Variants in DOC2B observed in about 807,000 individuals in gnomAD.
DOC2B encodes the protein double C2 domain beta, also known as double C2-like domain-containing protein beta.
In DOC2B, 21 loss-of-function variants were observed where a neutral mutation model predicts 28.9. That is an observed-to-expected ratio of 0.73 (90% CI 0.52 to 1.05). The LOEUF is 1.05. DOC2B is among the 50% of genes least tolerant of loss of function. DOC2B has a pLI of 0.00. For synonymous variants in DOC2B, 194 were observed against 178.1 expected, an observed-to-expected ratio of 1.09 and a Z score of -0.71; for missense variants, 384 against 421.1, an observed-to-expected ratio of 0.91 and a Z score of 0.77.
intron 7 of DOC2B, among the ~76,000 whole-genome samples, 198 bp from the exon 8 acceptor site, chr17:148,467 C>T (rs1381776375): frequency 6.6e-6 from 1 of 152,096 alleles, no homozygotes; most frequent in Non-Finnish European, 1.5e-5. Flanking sequence ...TCCCCTCGCC[C>T]GCTTGCTCCT....
chr17:159,042 A>T lies in DOC2B; in HGVS notation c.765+2373T>A, dbSNP rs1473807210. Reference sequence around the variant, plus strand: ...CTGGGCGACATAGACTCCATCTCATAAAAAAAAAAAAAAAACAACCAACCA... The same window carrying T: ...CTGGGCGACATAGACTCCATCTCATTAAAAAAAAAAAAAAACAACCAACCA... On this transcript the variant is annotated intron_variant, in intron 5 of 8. Transcript: ENST00000613549. Among the ~76,000 whole-genome samples the T allele has an allele frequency of 1.8e-3, 9 of 4,936 alleles. No individual in the cohort carries two copies. In the East Asian group the frequency reaches 0.055, roughly 30 times the overall value. The allele number at this position is 4,936 out of a possible 152,430, so 3.2% of individuals were successfully genotyped here.
intron 5 of DOC2B, among the ~76,000 whole-genome samples, chr17:160,472 G>C (rs1452310241): frequency 6.6e-6 from 1 of 152,218 alleles, no homozygotes. Context: ...GGCTAAGCTC[G>C]AGGTGAGTCC....
chr17:174,103 GA>G (rs1267937782), intron 1 of DOC2B, among the ~76,000 whole-genome samples: 16 of 152,312 alleles, frequency 1.1e-4, no homozygotes, highest in African/African-American at 3.8e-4. Context: ...GAAAGGCCAC[GA>G]GTGTGGAGTG....
chr17:152,601 C>G (rs1003649615), intron 6 of DOC2B, among the ~76,000 whole-genome samples: 1 of 152,030 alleles, frequency 6.6e-6, no homozygotes, highest in African/African-American at 2.4e-5. Context: ...AACCCAGTCT[C>G]TACAAAAAAT....
chr17:153,624 C>T (rs2040096740), intron 6 of DOC2B, among the ~76,000 whole-genome samples: 1 of 151,968 alleles, frequency 6.6e-6, no homozygotes, highest in African/African-American at 2.4e-5. Context: ...CTGCTTGAAC[C>T]TGGGAGGCAG....
At chr17:159,894 C>G (rs1567531535) in intron 5 of DOC2B, among the ~76,000 whole-genome samples, 1 of 151,816 alleles carries the variant, frequency 6.6e-6, no homozygotes, top group Non-Finnish European at 1.5e-5. Context: ...CACACACACG[C>G]TGACACCCCA....
chr17:177,184 G>A lies in DOC2B; in HGVS notation c.373+3923C>T, dbSNP rs934508774. Among the ~76,000 whole-genome samples, 21 of 152,238 alleles carry A rather than the reference G, an allele frequency of 1.4e-4. 1 individual carries two copies. Among genetic ancestry groups the A allele is most frequent in the African/African-American group, 4.6e-4 (19 of 41,556 alleles). On this transcript the variant is annotated intron_variant, in intron 1 of 8. Coordinates refer to ENST00000613549, the MANE Select transcript of DOC2B (RefSeq NM_003585.5). ...CCATTCAGCCAGGCCGGCACTGCAGGGGGGACAGAGAGAAATGAGCCATCA... is the reference window on the plus strand; with the variant it reads ...CCATTCAGCCAGGCCGGCACTGCAGAGGGGACAGAGAGAAATGAGCCATCA...
rs1252551921 is a variant in DOC2B, at chr17:145,962, G to C, written c.*1479C>G. The C allele has an allele frequency of 6.6e-6, 1 of 152,388 alleles. No individual in the cohort carries two copies. Among genetic ancestry groups the C allele is most frequent in the Non-Finnish European group, 1.5e-5 (1 of 68,142 alleles). 9.4% of individuals were successfully genotyped at this position (152,388 alleles called of 1,614,324 possible). A position where few individuals can be genotyped will look rare whatever the true frequency, so the allele number is the denominator to read the frequency against. The stretch of plus-strand genomic sequence containing the variant: ...GGGACTCTGGCTGTGCAACTCCTTG[G>C]CTCTGCATTTGTTCACCCAGCGTTC... On this transcript the variant is annotated 3_prime_UTR_variant, in exon 9 of 9. Coordinates refer to ENST00000613549, the MANE Select transcript of DOC2B (RefSeq NM_003585.5).
At chr17:173,632 G>A (rs952441428) in intron 1 of DOC2B, among the ~76,000 whole-genome samples, 1 of 152,202 alleles carries the variant, frequency 6.6e-6, no homozygotes, top group African/African-American at 2.4e-5. Context: ...CTGGTGAGCC[G>A]GGAGCCATGG....
chr17:157,288 C>T (rs2040147095), intron 5 of DOC2B, among the ~76,000 whole-genome samples: 2 of 152,206 alleles, frequency 1.3e-5, no homozygotes, highest in African/African-American at 4.8e-5. Flanking sequence ...CAGTGTTCAC[C>T]GTTGATAAAT....
rs3029494 is a variant in DOC2B, at chr17:165,487, T to TAA, written c.454-1285_454-1284dup. Among the ~76,000 whole-genome samples, 1,005 of 119,112 alleles carry TAA rather than the reference T, an allele frequency of 8.4e-3. 14 individuals carry two copies. Among genetic ancestry groups the TAA allele is most frequent in the African/African-American group, 0.03 (945 of 32,006 alleles). The allele number at this position is 119,112 out of a possible 152,430, so 78.1% of individuals were successfully genotyped here. A position where few individuals can be genotyped will look rare whatever the true frequency, so the allele number is the denominator to read the frequency against. ...ACAGAGTGAGACCCTGTCTCAAGTTTAAAAAAAAAAAAAAAAAAAGGGCGG... is the reference window on the plus strand; with the variant it reads ...ACAGAGTGAGACCCTGTCTCAAGTTTAAAAAAAAAAAAAAAAAAAAAGGGCGG... On this transcript the variant is annotated intron_variant, in intron 2 of 8. Transcript: ENST00000613549.
At chr17:175,864 C>T (rs1227661995) in intron 1 of DOC2B, among the ~76,000 whole-genome samples, 5 of 152,196 alleles carry the variant, frequency 3.3e-5, no homozygotes, top group Non-Finnish European at 7.4e-5. Context: ...TCTCCAACTG[C>T]CTGGGGGGAA....
In DOC2B at chr17:172,626, G is replaced by T. The variant is rs548235440; in HGVS notation, c.374-10C>A. The T allele has an allele frequency of 2.6e-5, 41 of 1,548,932 alleles. 1 individual carries two copies. In the South Asian group the frequency reaches 4.1e-4, roughly 15 times the overall value. ...AGCGTGCCCAGGGCAGCTGCGGACA[G>T]AGGAGGGCACAGGTCCCACCCTGGC... is the stretch of plus-strand genomic sequence containing the variant. On this transcript the variant is annotated splice_polypyrimidine_tract_variant and intron_variant, in intron 1 of 8. Transcript: ENST00000613549.
rs946629131 is a variant in DOC2B at position 166,026 on chromosome 17, G to A, written c.454-1822C>T. Reference sequence around the variant, plus strand: ...CCCACCTCCGTACCCCGAGACACCCGTGGGAGCTAGGCTGGGTCGAGGGGC... The same window carrying A: ...CCCACCTCCGTACCCCGAGACACCCATGGGAGCTAGGCTGGGTCGAGGGGC... On this transcript the variant is annotated intron_variant, in intron 2 of 8. Coordinates refer to ENST00000613549, the MANE Select transcript of DOC2B (RefSeq NM_003585.5). Among the ~76,000 whole-genome samples the A allele has an allele frequency of 7.9e-5, 12 of 152,228 alleles. No individual in the cohort carries two copies. The East Asian group carries it at 9.7e-4, about 12-fold the overall frequency.
At chr17:166,603 G>C (rs1029748617) in intron 2 of DOC2B, among the ~76,000 whole-genome samples, 1 of 152,244 alleles carries the variant, frequency 6.6e-6, no homozygotes, top group Non-Finnish European at 1.5e-5. Context: ...CTCCCAGACT[G>C]TTCTTGACGT....
At chr17:151,617 T>G (rs2040073196) in intron 6 of DOC2B, among the ~76,000 whole-genome samples, 1 of 152,216 alleles carries the variant, frequency 6.6e-6, no homozygotes, top group Non-Finnish European at 1.5e-5. Context: ...ATTTCCTTAG[T>G]TACTTACTAT....
chr17:178,570 G>A (rs554109520), intron 1 of DOC2B, among the ~76,000 whole-genome samples: 4 of 152,326 alleles, frequency 2.6e-5, no homozygotes, highest in African/African-American at 4.8e-5. Flanking sequence ...TGGCAGGGCC[G>A]ACACTGGGTC....
In DOC2B at chr17:146,382, A is replaced by G. The variant is rs1331455801; in HGVS notation, c.*1059T>C. ...CAGCTGACCTGATGCTTATGCCAGG[A>G]AGGAGGAGGGGCGGGCTCCGTCCTT... is the stretch of plus-strand genomic sequence containing the variant. On this transcript the variant is annotated 3_prime_UTR_variant, in exon 9 of 9. Coordinates refer to ENST00000613549, the MANE Select transcript of DOC2B (RefSeq NM_003585.5). The G allele has an allele frequency of 1.3e-5, 2 of 152,200 alleles. No individual in the cohort carries two copies. The highest frequency in any genetic ancestry group is 3.9e-4 in the East Asian group (2 of 5,194). 9.4% of individuals were successfully genotyped at this position (152,200 alleles called of 1,614,324 possible).
intron 5 of DOC2B, among the ~76,000 whole-genome samples, chr17:156,968 T>C (rs1555522641): frequency 6.6e-6 from 1 of 152,210 alleles, no homozygotes; most frequent in Non-Finnish European, 1.5e-5. Context: ...CACTTCAGCT[T>C]CCATTAACAC....
Sources: gnomAD v4.1 joint callset for allele counts (sites outside exome capture counted in the v4.1 genomes callset) on GRCh38, gnomAD v4.1.1 for gene constraint, MANE v1.5 for transcripts, NCBI Gene and HGNC (gene_info 2026-07-23, HGNC 2026-07-21) for gene names.